The following DLG2 variants were observed in gnomAD, a reference collection of about 807,000 sequenced individuals.
DLG2 encodes disks large homolog 2.
DLG2 carries 45 observed loss-of-function variants against 132.5 expected under a neutral mutation model. The ratio of observed to expected loss-of-function variants is 0.34; its 90% CI spans 0.27 to 0.44. The LOEUF is 0.44. Among genes scored for constraint, DLG2 ranks in the 20% least tolerant of loss-of-function variants. The pLI is 1.00. For missense variants in DLG2, 1,045 were observed against 1,196.9 expected (o/e 0.87, Z 1.87); for synonymous variants, 424 against 419.6 (o/e 1.01, Z -0.13).
intron 2 of DLG2, among the ~76,000 whole-genome samples, chr11:85,605,706 C>A (rs1012193646): frequency 6.6e-6 from 1 of 152,244 alleles, no homozygotes; most frequent in Middle Eastern, 3.4e-3. Flanking sequence ...CGGCTGGGAG[C>A]GGTGGCTCAC....
intron 6 of DLG2, among the ~76,000 whole-genome samples, chr11:84,889,250 G>A (rs2088890914): frequency 6.6e-6 from 1 of 152,086 alleles, no homozygotes; most frequent in Non-Finnish European, 1.5e-5. Flanking sequence ...ACAGCATTAT[G>A]GATTGTTAAG....
chr11:83,643,618 T>C (rs900870538), intron 18 of DLG2: 4 of 152,302 alleles, frequency 2.6e-5, no homozygotes, highest in Admixed American at 2.6e-4. Flanking sequence ...GCTAAAATAA[T>C]ATCTAAGTTT....
At position 84,412,686 on chromosome 11, in the gene DLG2, T is replaced by C. The variant is rs553669480; in HGVS notation, c.519+121884A>G. ...ACCAGCCACCCTTCCTTACTGGCTG[T>C]TCCCAGTTTGCTCTGGTGGCAAGCT... On this transcript the variant is annotated intron_variant, in intron 7 of 27. Transcript: ENST00000376104. Among the ~76,000 whole-genome samples, 8 of 152,306 alleles carry C rather than the reference T, an allele frequency of 5.3e-5. No individual in the cohort carries two copies. In the East Asian group the frequency reaches 1.5e-3, roughly 29 times the overall value.
At chr11:84,621,766 G>A (rs899907496) in intron 6 of DLG2, among the ~76,000 whole-genome samples, 1 of 152,122 alleles carries the variant, frequency 6.6e-6, no homozygotes, top group African/African-American at 2.4e-5. Flanking sequence ...ATCAGCATCA[G>A]TAGTAACTGT....
At chr11:84,062,736 A>AT (rs35921216) in intron 10 of DLG2, among the ~76,000 whole-genome samples, 21 of 149,106 alleles carry the variant, frequency 1.4e-4, no homozygotes, top group African/African-American at 3.2e-4. Flanking sequence ...GATTGTTTTA[A>AT]TTTTTTTTTT....
At chr11:84,359,441 TAA>T (rs1400639786) in intron 7 of DLG2, among the ~76,000 whole-genome samples, 2 of 151,924 alleles carry the variant, frequency 1.3e-5, no homozygotes, top group Non-Finnish European at 2.9e-5. Context: ...CCTGAAAATA[TAA>T]AAGAGTTAAT....
At chr11:84,579,188 C>CGTGTATGTGTGTGTGTGT (rs1555057730) in intron 6 of DLG2, among the ~76,000 whole-genome samples, 2 of 145,596 alleles carry the variant, frequency 1.4e-5, no homozygotes, top group African/African-American at 5.1e-5. Flanking sequence ...GCATTATTCA[C>CGTGTATGTGTGTGTGTGT]GTGTGTGTGT....
At chr11:83,587,719 A>T (rs571708198) in intron 19 of DLG2, among the ~76,000 whole-genome samples, 1 of 152,244 alleles carries the variant, frequency 6.6e-6, no homozygotes, top group African/African-American at 2.4e-5. Context: ...CTGCATTTCC[A>T]TCTGAGGTAC....
intron 6 of DLG2, among the ~76,000 whole-genome samples, chr11:84,684,989 A>G (rs969142685): frequency 2.6e-5 from 4 of 152,122 alleles, no homozygotes; most frequent in Admixed American, 6.5e-5. Flanking sequence ...ATTATTTGCA[A>G]TTTATCTCTT....
intron 3 of DLG2, among the ~76,000 whole-genome samples, chr11:85,491,786 T>G (rs115720059): frequency 2.0e-5 from 3 of 152,098 alleles, no homozygotes; most frequent in African/African-American, 4.8e-5. Context: ...TGTTCATGAA[T>G]TGGAAGTATT....
At chr11:85,478,043 T>G (rs1182087225) in intron 3 of DLG2, among the ~76,000 whole-genome samples, 1 of 151,978 alleles carries the variant, frequency 6.6e-6, no homozygotes, top group Non-Finnish European at 1.5e-5. Flanking sequence ...GCTTTCGTTC[T>G]GTCACCTAGG....
At chr11:84,761,776 G>T (rs1008535621) in intron 6 of DLG2, among the ~76,000 whole-genome samples, 6 of 152,094 alleles carry the variant, frequency 3.9e-5, no homozygotes, top group African/African-American at 1.4e-4. Context: ...CTGGCTTCCT[G>T]GCTCCTCAGC....
chr11:84,325,884 T>A (rs2098428341), intron 7 of DLG2, among the ~76,000 whole-genome samples: 1 of 152,188 alleles, frequency 6.6e-6, no homozygotes, highest in Admixed American at 6.5e-5. Context: ...TCCTAGGCTT[T>A]CCTTTGTGGG....
At chr11:83,638,729 C>T (rs1425158418) in intron 18 of DLG2, among the ~76,000 whole-genome samples, 1 of 152,174 alleles carries the variant, frequency 6.6e-6, no homozygotes, top group Non-Finnish European at 1.5e-5. Context: ...AACTTCTCAT[C>T]TGCTAGGCAA....
intron 22 of DLG2, among the ~76,000 whole-genome samples, chr11:83,474,447 T>C (rs2092413147): frequency 6.6e-6 from 1 of 152,138 alleles, no homozygotes; most frequent in Admixed American, 6.6e-5. Context: ...GTTTTAATGA[T>C]AGAAGCATCG....
At chr11:84,357,018 A>C (rs1410703013) in intron 7 of DLG2, among the ~76,000 whole-genome samples, 1 of 152,016 alleles carries the variant, frequency 6.6e-6, no homozygotes, top group Non-Finnish European at 1.5e-5. Flanking sequence ...GAAATGAGTG[A>C]GCAAAGAATG....
In DLG2 at chr11:85,301,059, G is replaced by A. The variant is rs1829224; in HGVS notation, c.41-15694C>T. Among the ~76,000 whole-genome samples, 1,332 of 152,156 alleles carry A rather than the reference G, an allele frequency of 8.8e-3. 50 individuals are homozygous for A. Among genetic ancestry groups the A allele is most frequent in the Admixed American group, 0.067 (1,020 of 15,280 alleles). ...CTACTAAAAATACAAAAATTAGCTG[G>A]GTGTGGTGGTGCATGCCTGTGATCC... On this transcript the variant is annotated intron_variant, in intron 3 of 27. Coordinates refer to ENST00000376104, the MANE Select transcript of DLG2 (RefSeq NM_001142699.3).
chr11:85,481,631 T>A (rs2093293299), intron 3 of DLG2, among the ~76,000 whole-genome samples: 1 of 152,016 alleles, frequency 6.6e-6, no homozygotes, highest in Non-Finnish European at 1.5e-5. Flanking sequence ...ACTCCAGGTC[T>A]GTATAGCAAA....
At chr11:84,885,514 G>A (rs2088115653) in intron 6 of DLG2, among the ~76,000 whole-genome samples, 1 of 151,934 alleles carries the variant, frequency 6.6e-6, no homozygotes, top group Non-Finnish European at 1.5e-5. Context: ...ATAATGTTTT[G>A]TAATGTTTTA....
Sources: gnomAD v4.1 joint callset for allele counts (sites outside exome capture counted in the v4.1 genomes callset) on GRCh38, gnomAD v4.1.1 for gene constraint, MANE v1.5 for transcripts, NCBI Gene and HGNC (gene_info 2026-07-23, HGNC 2026-07-21) for gene names.